ENPEP: variants seen among roughly 807,000 people sequenced by gnomAD.
ENPEP encodes the protein glutamyl aminopeptidase, also known as AP-A.
A neutral mutation model predicts 114.5 loss-of-function variants in ENPEP; 103 were observed. The observed-to-expected ratio is 0.90, with a 90% CI of 0.77 to 1.06. ENPEP has a LOEUF of 1.06. Ranked by LOEUF, ENPEP falls within the 50% of genes least tolerant of loss-of-function variation. ENPEP has a pLI of 0.00. For missense variants in ENPEP, 1,196 were observed against 1,161.3 expected (o/e 1.03, Z -0.43); for synonymous variants, 420 against 422.0 (o/e 1.00, Z 0.06).
At chr4:110,521,049 CATT>C (rs1355066616) in intron 10 of ENPEP, among the ~76,000 whole-genome samples, 2 of 152,180 alleles carry the variant, frequency 1.3e-5, no homozygotes, top group Non-Finnish European at 2.9e-5. Context: ...AAGCCTCCCT[CATT>C]ATGTTATTTG....
At chr4:110,496,574 A>G (rs1018404272) in intron 3 of ENPEP, among the ~76,000 whole-genome samples, 3 of 152,250 alleles carry the variant, frequency 2.0e-5, no homozygotes, top group Admixed American at 6.5e-5. Context: ...AAAATCCAAT[A>G]GATGATACAT....
At chr4:110,500,225 C>G (rs1725100527) in intron 3 of ENPEP, 1 of 152,136 alleles carries the variant, frequency 6.6e-6, no homozygotes, top group African/African-American at 2.4e-5. Context: ...GTTTGAGACA[C>G]TTGAATGAAA....
At chr4:110,531,388 G>A in intron 11 of ENPEP, 111 bp downstream of exon 11, 1 of 806,694 alleles carries the variant, frequency 1.2e-6, no homozygotes. Flanking sequence ...CTTCAGCTAA[G>A]TGATCTCTTA....
At chr4:110,559,882 C>T (rs1727621509) in intron 19 of ENPEP, among the ~76,000 whole-genome samples, 157 bp downstream of exon 19, 3 of 152,124 alleles carry the variant, frequency 2.0e-5, no homozygotes, top group African/African-American at 4.8e-5. Context: ...CCTATCAACC[C>T]GCCATCTAGG....
chr4:110,552,051 T>C (rs551971421), intron 17 of ENPEP, among the ~76,000 whole-genome samples: 32 of 152,288 alleles, frequency 2.1e-4, no homozygotes, highest in African/African-American at 7.7e-4. Context: ...GTATGTATGG[T>C]ATTTTTGTTT....
chr4:110,477,535 T>C (rs1331536431), intron 1 of ENPEP, among the ~76,000 whole-genome samples: 1 of 152,104 alleles, frequency 6.6e-6, no homozygotes, highest in Non-Finnish European at 1.5e-5. Context: ...CCAATGTCTC[T>C]TTTTTGGAGA....
intron 3 of ENPEP, among the ~76,000 whole-genome samples, chr4:110,493,907 G>T (rs972838432): frequency 6.6e-6 from 1 of 152,102 alleles, no homozygotes; most frequent in African/African-American, 2.4e-5. Context: ...AGAATAACCA[G>T]GTATATGAGG....
At chr4:110,495,813 C>A (rs1488024954) in intron 3 of ENPEP, among the ~76,000 whole-genome samples, 4 of 152,090 alleles carry the variant, frequency 2.6e-5, no homozygotes, top group Non-Finnish European at 5.9e-5. Flanking sequence ...CCTTGAATTT[C>A]TTTGGGGGCA....
intron 10 of ENPEP, among the ~76,000 whole-genome samples, chr4:110,522,883 T>C (rs1321018698): frequency 6.6e-6 from 1 of 152,052 alleles, no homozygotes; most frequent in East Asian, 1.9e-4. Flanking sequence ...GGCTGCACTT[T>C]AGAAAGGGTT....
chr4:110,522,874 G>C (rs1445327926), intron 10 of ENPEP, among the ~76,000 whole-genome samples: 1 of 152,082 alleles, frequency 6.6e-6, no homozygotes, highest in Non-Finnish European at 1.5e-5. Context: ...GTTACTTAAG[G>C]CTGCACTTTA....
chr4:110,559,839 G>A (rs965204848), intron 19 of ENPEP, 114 bp downstream of exon 19: 13 of 799,440 alleles, frequency 1.6e-5, no homozygotes, highest in East Asian at 5.4e-5. Flanking sequence ...GGTTTGTTAC[G>A]TAGGTATACA....
At chr4:110,509,246 T>A (rs1725484947) in intron 4 of ENPEP, among the ~76,000 whole-genome samples, 1 of 152,210 alleles carries the variant, frequency 6.6e-6, no homozygotes, top group Non-Finnish European at 1.5e-5. Context: ...GAATAATCTG[T>A]GTCTTTGGAT....
At chr4:110,540,348 A>G (rs547636863) in intron 11 of ENPEP, among the ~76,000 whole-genome samples, 1 of 152,242 alleles carries the variant, frequency 6.6e-6, no homozygotes, top group African/African-American at 2.4e-5. Flanking sequence ...GGTAATTTTT[A>G]TATTCTTCTT....
chr4:110,483,990 A>G (rs1724407999), intron 1 of ENPEP, among the ~76,000 whole-genome samples: 1 of 152,234 alleles, frequency 6.6e-6, no homozygotes. Context: ...TGAGAAAAAG[A>G]ACAGGTTACC....
At chr4:110,494,869 G>T (rs1724869044) in intron 3 of ENPEP, among the ~76,000 whole-genome samples, 1 of 152,140 alleles carries the variant, frequency 6.6e-6, no homozygotes, top group Admixed American at 6.5e-5. Flanking sequence ...TTACAATTCT[G>T]CAAGAAATCT....
At chr4:110,515,554 G>A in intron 8 of ENPEP, 112 bp downstream of exon 8, 1 of 859,936 alleles carries the variant, frequency 1.2e-6, no homozygotes, top group Non-Finnish European at 1.9e-6. Flanking sequence ...TCTCTTTACT[G>A]AGGCATAGAT....
At chr4:110,531,597 A>T (rs145858577) in intron 11 of ENPEP, among the ~76,000 whole-genome samples, 1 of 151,862 alleles carries the variant, frequency 6.6e-6, no homozygotes, top group South Asian at 2.1e-4. Context: ...TTTTTCTTTT[A>T]TCAGATAAGC....
chr4:110,482,186 G>T (rs1353962124), intron 1 of ENPEP, among the ~76,000 whole-genome samples: 1 of 152,204 alleles, frequency 6.6e-6, no homozygotes. Flanking sequence ...ATCCAGGAAA[G>T]AGAAGATAAG....
rs1334279311 is a variant in ENPEP, at chr4:110,484,386, GT to G, written c.645-4151del. On this transcript the variant is annotated intron_variant, in intron 1 of 19. Coordinates refer to ENST00000265162, the MANE Select transcript of ENPEP (RefSeq NM_001977.4). Reference sequence around the variant, plus strand: ...TAAGAATGTTTGCTCTTAGAAAAGGGTTTTCCCCATAAAATCATATTGGCTC... The same window carrying G: ...TAAGAATGTTTGCTCTTAGAAAAGGGTTTCCCCATAAAATCATATTGGCTC... Among the ~76,000 whole-genome samples the G allele has an allele frequency of 2.6e-5, 4 of 151,996 alleles. No individual in the cohort carries two copies. In the East Asian group the frequency reaches 7.7e-4, roughly 29 times the overall value.
Sources: gnomAD v4.1 joint callset for allele counts (sites outside exome capture counted in the v4.1 genomes callset) on GRCh38, gnomAD v4.1.1 for gene constraint, MANE v1.5 for transcripts, NCBI Gene and HGNC (gene_info 2026-07-23, HGNC 2026-07-21) for gene names.